POFUT1: variants seen among roughly 807,000 people sequenced by gnomAD.
POFUT1 encodes the protein GDP-fucose protein O-fucosyltransferase 1.
Under a neutral mutation model 42.4 loss-of-function variants are expected in POFUT1, and 16 were observed. The ratio of observed to expected loss-of-function variants is 0.38; its 90% confidence interval spans 0.26 to 0.57. The LOEUF is 0.57. Among genes scored for constraint, POFUT1 ranks in the 20% least tolerant of loss-of-function variants. POFUT1 has a pLI of 0.71. For synonymous variants in POFUT1, 206 were observed against 205.4 expected, an observed-to-expected ratio of 1.00 and a Z score of -0.03; for missense variants, 470 against 504.6, an observed-to-expected ratio of 0.93 and a Z score of 0.66.
intron 1 of POFUT1, among the ~76,000 whole-genome samples, chr20:32,209,868 G>T (rs987853441): frequency 2.6e-5 from 4 of 152,306 alleles, no homozygotes; most frequent in African/African-American, 9.6e-5. Flanking sequence ...GAAACCTGGA[G>T]TGGCGGAAGC....
In POFUT1 at chr20:32,215,355, G is replaced by A. The variant is rs1337145808; in HGVS notation, c.333G>A (p.Lys111=). 6.2e-7 allele frequency: 1 copy of A among 1,614,138 alleles called. No homozygotes were observed. Among genetic ancestry groups the A allele is most frequent in the East Asian group, 2.2e-5 (1 of 44,874 alleles). ...RVISLEDFME[K]LAPTHWPPEK... is the part of the protein sequence containing the mutation. ...TCAGCTTGGAGGATTTCATGGAGAA[G>A]CTGGCACCCACCCACTGGCCCCCTG... Residue 111 remains lysine, a synonymous_variant, in exon 3 of 7, where the codon AAG becomes AAA. Coordinates refer to ENST00000375749, the MANE Select transcript of POFUT1 (RefSeq NM_015352.2).
At chr20:32,212,791 A>G (rs6061228) in intron 2 of POFUT1, among the ~76,000 whole-genome samples, 8,833 of 152,162 alleles carry the variant, frequency 0.058, 917 homozygotes, top group African/African-American at 0.2. Context: ...CATGTTGGCC[A>G]GGTTGGTCTC....
intron 5 of POFUT1, 99 bp downstream of exon 5, chr20:32,228,554 A>G (rs901885436): frequency 2.0e-6 from 2 of 989,542 alleles, no homozygotes; most frequent in Non-Finnish European, 3.0e-6. Flanking sequence ...CAGAGCAGAG[A>G]TCTCTCACTT....
intron 4 of POFUT1, chr20:32,223,843 G>A (rs1479772797): frequency 4.1e-6 from 1 of 245,466 alleles, no homozygotes; most frequent in Non-Finnish European, 6.5e-6. Flanking sequence ...AGGGGTAGTA[G>A]TTAAGAACAT....
At chr20:32,213,133 G>A (rs1197899088) in intron 2 of POFUT1, among the ~76,000 whole-genome samples, 2 of 151,662 alleles carry the variant, frequency 1.3e-5, no homozygotes, top group African/African-American at 2.4e-5. Context: ...TGATCCATCC[G>A]CCTCAGCCTC....
Position 32,230,710 on chromosome 20 carries a change from A to G in POFUT1, c.736-109A>G. The G allele has an allele frequency of 4.8e-6, 6 of 1,262,476 alleles. No homozygotes were observed. In the East Asian group the frequency reaches 1.4e-4, roughly 30 times the overall value. The allele number at this position is 1,262,476 out of a possible 1,614,324, so 78.2% of individuals were successfully genotyped here. A position where few individuals can be genotyped will look rare whatever the true frequency, so the allele number is the denominator to read the frequency against. ...ACTCCGTCTCAAAAAAAAAAAAAAA[A>G]TGTAGTTAGGTTCTTCCTGTATAGC... is the stretch of plus-strand genomic sequence containing the variant. On this transcript the variant is annotated intron_variant, in intron 5 of 6. Transcript: ENST00000375749.
In POFUT1 at chr20:32,216,727, T is replaced by G. The variant is rs777116721; in HGVS notation, c.542+6T>G. 5 of 1,588,840 alleles carry G rather than the reference T, an allele frequency of 3.1e-6. No homozygotes were observed. Among genetic ancestry groups the G allele is most frequent in the Non-Finnish European group, 4.3e-6 (5 of 1,157,136 alleles). Reference sequence around the variant, plus strand: ...AGAGAACAATGGAGCCAGAGGTACTTGGAGGGGGTAGCGTTTCTGGGTTTA... The same window carrying G: ...AGAGAACAATGGAGCCAGAGGTACTGGGAGGGGGTAGCGTTTCTGGGTTTA... On this transcript the variant is annotated splice_donor_region_variant and intron_variant, in intron 4 of 6. Coordinates refer to ENST00000375749, the MANE Select transcript of POFUT1 (RefSeq NM_015352.2).
chr20:32,236,003 G>A lies in POFUT1; in HGVS notation c.*1342G>A, dbSNP rs2047468466. On this transcript the variant is annotated 3_prime_UTR_variant, in exon 7 of 7. Coordinates refer to ENST00000375749, the MANE Select transcript of POFUT1 (RefSeq NM_015352.2). ...AGCTCAGAGGTCACACTGTATCAAA[G>A]ATCTCAAACAGCAAAGTCAGCATTT... The A allele has an allele frequency of 6.6e-6, 1 of 152,254 alleles. No homozygotes were observed. The highest frequency in any genetic ancestry group is 6.5e-5 in the Admixed American group (1 of 15,284). The allele number at this position is 152,254 out of a possible 1,614,324, so 9.4% of individuals were successfully genotyped here.
intron 4 of POFUT1, chr20:32,222,676 A>T: frequency 1.0e-6 from 1 of 985,286 alleles, no homozygotes; most frequent in Non-Finnish European, 1.2e-6. Context: ...GGGAAAGAGG[A>T]TAAGAGGTAT....
chr20:32,234,845 C>T lies in POFUT1; in HGVS notation c.*184C>T. The T allele has an allele frequency of 1.8e-6, 1 of 543,574 alleles. No individual in the cohort carries two copies. The highest frequency in any genetic ancestry group is 3.2e-6 in the Non-Finnish European group (1 of 311,816). The allele number at this position is 543,574 out of a possible 1,614,324, so 33.7% of individuals were successfully genotyped here. A position where few individuals can be genotyped will look rare whatever the true frequency, so the allele number is the denominator to read the frequency against. Reference sequence around the variant, plus strand: ...ACGCTCCATATCCCAGGGCATAGGACTTGCAGGTTCCTAGGAGCAGGAGCA... The same window carrying T: ...ACGCTCCATATCCCAGGGCATAGGATTTGCAGGTTCCTAGGAGCAGGAGCA... On this transcript the variant is annotated 3_prime_UTR_variant, in exon 7 of 7. Transcript: ENST00000375749.
intron 2 of POFUT1, among the ~76,000 whole-genome samples, chr20:32,210,396 A>G (rs2122561908): frequency 6.6e-6 from 1 of 152,290 alleles, no homozygotes; most frequent in East Asian, 1.9e-4. Flanking sequence ...GAATTAGCTC[A>G]TTTCACCCTC....
chr20:32,223,176 C>T (rs1390734323), intron 4 of POFUT1: 56 of 985,314 alleles, frequency 5.7e-5, no homozygotes, highest in Non-Finnish European at 6.5e-5. Flanking sequence ...GGCCCAGCAG[C>T]AGGAAAGCCA....
chr20:32,227,539 AAAAG>A (rs1396372391), intron 4 of POFUT1, among the ~76,000 whole-genome samples: 1 of 152,176 alleles, frequency 6.6e-6, no homozygotes, highest in Admixed American at 6.5e-5. Flanking sequence ...TCAAAAAAGA[AAAAG>A]AAAAGAAAAA....
chr20:32,238,106 AT>A lies in POFUT1; in HGVS notation c.*3448del. The A allele has an allele frequency of 9.9e-6, 3 of 301,680 alleles. No individual in the cohort carries two copies. Among genetic ancestry groups the A allele is most frequent in the Non-Finnish European group, 2.0e-5 (3 of 150,656 alleles). 18.7% of individuals were successfully genotyped at this position (301,680 alleles called of 1,614,324 possible). A position where few individuals can be genotyped will look rare whatever the true frequency, so the allele number is the denominator to read the frequency against. Reference sequence around the variant, plus strand: ...AGTTTATTGTTTTCCTATTATGAGAATTTAGGCCAAGTGTGGTGGCTCATGC... The same window carrying A: ...AGTTTATTGTTTTCCTATTATGAGAATTAGGCCAAGTGTGGTGGCTCATGC... On this transcript the variant is annotated 3_prime_UTR_variant, in exon 7 of 7. Transcript: ENST00000375749.
intron 4 of POFUT1, among the ~76,000 whole-genome samples, chr20:32,226,477 T>C (rs2047415476): frequency 2.6e-5 from 4 of 151,990 alleles, no homozygotes; most frequent in Admixed American, 2.6e-4. Context: ...TGTGTGTGTG[T>C]GTATTTCTGT....
intron 6 of POFUT1, chr20:32,231,304 TTTC>T (rs2047442593): frequency 6.0e-6 from 3 of 504,050 alleles, no homozygotes; most frequent in Non-Finnish European, 1.1e-5. Context: ...CCCTATATCA[TTTC>T]TTCTCTCGGG....
chr20:32,220,313 A>T (rs1295505587), intron 4 of POFUT1, among the ~76,000 whole-genome samples: 1 of 152,048 alleles, frequency 6.6e-6, no homozygotes, highest in African/African-American at 2.4e-5. Flanking sequence ...TTTGGTAGAG[A>T]TGGGTGGGGA....
intron 4 of POFUT1, among the ~76,000 whole-genome samples, chr20:32,219,419 G>A (rs1164172578): frequency 1.3e-5 from 2 of 152,086 alleles, no homozygotes; most frequent in African/African-American, 2.4e-5. Flanking sequence ...AAGGCAATGT[G>A]GTATGGAGTG....
rs543820191 is a variant in POFUT1, at chr20:32,221,500, C to T, written c.542+4779C>T. On this transcript the variant is annotated intron_variant, in intron 4 of 6. Coordinates refer to ENST00000375749, the MANE Select transcript of POFUT1 (RefSeq NM_015352.2). ...AGGTTGAGGCAGGTGATCGCTTGAG[C>T]CCAGGAGTTCAAGACCAGCCTGGGC... is the stretch of plus-strand genomic sequence containing the variant. Among the ~76,000 whole-genome samples the T allele has an allele frequency of 1.2e-4, 19 of 152,114 alleles. No homozygotes were observed. In the South Asian group the frequency reaches 4.0e-3, roughly 32 times the overall value.
Sources: gnomAD v4.1 joint callset for allele counts (sites outside exome capture counted in the v4.1 genomes callset) on GRCh38, gnomAD v4.1.1 for gene constraint, MANE v1.5 for transcripts, NCBI Gene and HGNC (gene_info 2026-07-23, HGNC 2026-07-21) for gene names.